PXK: variants seen among roughly 807,000 people sequenced by gnomAD.
PXK encodes the protein PX domain containing serine/threonine kinase like, also known as PX domain-containing protein kinase-like protein.
PXK carries 35 observed loss-of-function variants against 84.7 expected under a neutral mutation model. That is an observed-to-expected ratio of 0.41 (90% CI 0.32 to 0.55). PXK has a LOEUF of 0.55. Ranked by LOEUF, PXK falls within the 20% of genes least tolerant of loss-of-function variation. The pLI is 0.21. For missense variants in PXK, 634 were observed against 699.7 expected, an observed-to-expected ratio of 0.91 and a Z score of 1.06; for synonymous variants, 253 against 260.8, an observed-to-expected ratio of 0.97 and a Z score of 0.29.
At chr3:58,357,174 G>T (rs761847909) in intron 1 of PXK, among the ~76,000 whole-genome samples, 1 of 151,902 alleles carries the variant, frequency 6.6e-6, no homozygotes, top group Non-Finnish European at 1.5e-5. Context: ...AGCTACGTGG[G>T]AGGCTGAGGC....
At position 58,352,318 on chromosome 3, in the gene PXK, C is replaced by T. The variant is rs540290255; in HGVS notation, c.103-13556C>T. On this transcript the variant is annotated intron_variant, in intron 1 of 17. Coordinates refer to ENST00000356151, the MANE Select transcript of PXK (RefSeq NM_017771.5). ...CTCCAGCAGGTACTCAGGTCAGTGC[C>T]AGTGAAGGGCGTGAGGGATGAGGAG... Among the ~76,000 whole-genome samples, 36 of 152,318 alleles carry T rather than the reference C, an allele frequency of 2.4e-4. No individual in the cohort carries two copies. The South Asian group carries it at 7.2e-3, about 31-fold the overall frequency.
In PXK at chr3:58,397,424, G is replaced by A. The variant is rs569132942; in HGVS notation, c.985-181G>A. Among the ~76,000 whole-genome samples, 1 of 152,236 alleles carries A rather than the reference G, an allele frequency of 6.6e-6. No homozygotes were observed. Among genetic ancestry groups the A allele is most frequent in the Non-Finnish European group, 1.5e-5 (1 of 68,018 alleles). ...CTGATTGGAAAACTGTGGAGGGTCG[G>A]ACCAAGACCTTTGGGATACCTCATG... On this transcript the variant is annotated intron_variant, in intron 10 of 17. Transcript: ENST00000356151. This position sits in a 1 kb window ranked among gnomAD's most constrained non-coding sequence, Gnocchi z 4.7.
In PXK at chr3:58,395,102, G is replaced by T; in HGVS notation, c.720G>T (p.Lys240Asn). ...EKGTLKDLIY[K>N]AKPKDPFLKK... ...GAACATTGAAGGATCTGATCTACAA[G>T]GTACCTGTGCAAGTTCATGGTCATA... The change falls in exon 8 of 18, where the codon AAG becomes AAT. Residue 240 changes from lysine (K) to asparagine (N), a missense_variant and splice_region_variant. Lys to Asn is a moderately conservative substitution (Grantham distance 94, BLOSUM62 0). Transcript: ENST00000356151. 6.3e-7 allele frequency: 1 copy of T among 1,599,292 alleles called. No individual in the cohort carries two copies. The highest frequency in any genetic ancestry group is 8.6e-7 in the Non-Finnish European group (1 of 1,166,992).
intron 17 of PXK, among the ~76,000 whole-genome samples, chr3:58,419,470 C>T (rs2061492021): frequency 6.6e-6 from 1 of 152,244 alleles, no homozygotes; most frequent in African/African-American, 2.4e-5. Context: ...CCAGGCTGGT[C>T]TCGAACTTCT....
At chr3:58,358,209 A>T (rs926705480) in intron 1 of PXK, among the ~76,000 whole-genome samples, 1 of 152,234 alleles carries the variant, frequency 6.6e-6, no homozygotes, top group Non-Finnish European at 1.5e-5. Flanking sequence ...ATTATTGACT[A>T]CAATCACCAT....
intron 3 of PXK, among the ~76,000 whole-genome samples, chr3:58,372,110 T>C (rs942493133): frequency 1.3e-5 from 2 of 152,128 alleles, no homozygotes; most frequent in Non-Finnish European, 2.9e-5. Flanking sequence ...AATGCAAAAT[T>C]ATATATGCCA....
At chr3:58,362,701 G>A (rs1296835531) in intron 1 of PXK, among the ~76,000 whole-genome samples, 2 of 152,132 alleles carry the variant, frequency 1.3e-5, no homozygotes, top group East Asian at 1.9e-4. Flanking sequence ...TTGACATCAG[G>A]TAGACTGAGT....
At chr3:58,336,697 A>G (rs1166897920) in intron 1 of PXK, among the ~76,000 whole-genome samples, 1 of 152,248 alleles carries the variant, frequency 6.6e-6, no homozygotes, top group African/African-American at 2.4e-5. Flanking sequence ...ATGCTTACAT[A>G]GCTGAAATAG....
chr3:58,347,030 G>A (rs2097837563), intron 1 of PXK, among the ~76,000 whole-genome samples: 1 of 152,062 alleles, frequency 6.6e-6, no homozygotes, highest in Non-Finnish European at 1.5e-5. Flanking sequence ...TAGTAGAGAT[G>A]GGGTTTCACC....
At chr3:58,386,290 C>CTTTTTTTTTTT (rs752411806) in intron 4 of PXK, among the ~76,000 whole-genome samples, 901 of 82,222 alleles carry the variant, frequency 0.011, 148 homozygotes, top group African/African-American at 0.041. Context: ...ATCCCCCTTA[C>CTTTTTTTTTTT]TTTTTTTTTT....
chr3:58,382,397 G>A (rs2098511556), intron 3 of PXK, 117 bp from the exon 4 acceptor site: 2 of 728,232 alleles, frequency 2.7e-6, no homozygotes, highest in Non-Finnish European at 4.0e-6. Context: ...ACTGAAATTA[G>A]GATGCATCTA....
At chr3:58,361,939 T>C (rs1347862946) in intron 1 of PXK, among the ~76,000 whole-genome samples, 4 of 152,238 alleles carry the variant, frequency 2.6e-5, no homozygotes, top group African/African-American at 9.6e-5. Flanking sequence ...GGAGTAGTTA[T>C]ACCATTTTAT....
intron 7 of PXK, among the ~76,000 whole-genome samples, 198 bp from the exon 8 acceptor site, chr3:58,394,800 T>A (rs1361471375): frequency 6.6e-6 from 1 of 152,172 alleles, no homozygotes; most frequent in Non-Finnish European, 1.5e-5. Context: ...ACAGTTTATG[T>A]CCCTTCCTCC....
At chr3:58,391,649 A>G (rs957240577) in intron 6 of PXK, 124 bp from the exon 7 acceptor site, 5 of 863,186 alleles carry the variant, frequency 5.8e-6, no homozygotes, top group Non-Finnish European at 9.7e-6. Context: ...AGGCAGCCAG[A>G]CTTAGTGTTG....
chr3:58,383,564 T>G lies in PXK; in HGVS notation c.388+864T>G, dbSNP rs2098525057. On this transcript the variant is annotated intron_variant, in intron 4 of 17. Coordinates refer to ENST00000356151, the MANE Select transcript of PXK (RefSeq NM_017771.5). This position sits in a 1 kb window ranked among gnomAD's most constrained non-coding sequence, Gnocchi z 4.0. ...GCATAGGAGGTCATTCTCTTCCAAA[T>G]CTTTCCTGGATCAGGGCAGCCGCCA... Among the ~76,000 whole-genome samples, 7 of 152,218 alleles carry G rather than the reference T, an allele frequency of 4.6e-5. No homozygotes were observed. The South Asian group carries it at 1.4e-3, about 32-fold the overall frequency.
chr3:58,382,790 CA>C (rs2098516407), intron 4 of PXK, 90 bp downstream of exon 4: 7 of 998,652 alleles, frequency 7.0e-6, no homozygotes, highest in Non-Finnish European at 8.3e-6. Flanking sequence ...AATGTTTTCT[CA>C]AAATGGGGAT....
rs2098523433 is a variant in PXK, at chr3:58,383,383, A to G, written c.388+683A>G. ...CCTCTAATCAACACCTTATACATAC[A>G]ATAATCTTAATCTGATTTGTATTTG... On this transcript the variant is annotated intron_variant, in intron 4 of 17. Coordinates refer to ENST00000356151, the MANE Select transcript of PXK (RefSeq NM_017771.5). The surrounding 1 kb of genome is among the most constrained non-coding windows in gnomAD (Gnocchi z 4.0). Among the ~76,000 whole-genome samples, 2 of 152,176 alleles carry G rather than the reference A, an allele frequency of 1.3e-5. No individual in the cohort carries two copies.
At chr3:58,378,794 C>T (rs971084702) in intron 3 of PXK, among the ~76,000 whole-genome samples, 1 of 151,996 alleles carries the variant, frequency 6.6e-6, no homozygotes, top group Non-Finnish European at 1.5e-5. Flanking sequence ...CCTCGGCCTC[C>T]CAAAGTGCTG....
chr3:58,424,130 T>C (rs1329364558), intron 17 of PXK, among the ~76,000 whole-genome samples: 1 of 152,224 alleles, frequency 6.6e-6, no homozygotes, highest in Admixed American at 6.5e-5. Flanking sequence ...GCATTTTATA[T>C]TTCTTTAATG....
Sources: allele counts gnomAD v4.1 joint callset (sites outside exome capture counted in the v4.1 genomes callset), GRCh38; gene constraint gnomAD v4.1.1; non-coding constraint Gnocchi (gnomAD v3.1); transcripts MANE v1.5; gene names NCBI Gene and HGNC (gene_info 2026-07-23, HGNC 2026-07-21).